Variants in PTK2 observed in about 807,000 individuals in gnomAD.
PTK2 encodes the protein focal adhesion kinase 1.
In PTK2, 45 loss-of-function variants were observed where a neutral mutation model predicts 150.1. The observed-to-expected ratio is 0.30, with a 90% CI of 0.24 to 0.38. The LOEUF (loss-of-function observed/expected upper bound fraction) is 0.38, where lower values mean the gene tolerates loss of function less well. Among genes scored for constraint, PTK2 ranks in the 10% least tolerant of loss-of-function variants. PTK2 has a pLI of 1.00. For synonymous variants in PTK2, 432 were observed against 449.2 expected (o/e 0.96, Z 0.48); for missense variants, 919 against 1,307.3 (o/e 0.70, Z 4.58).
chr8:140,987,293 G>A (rs562577904), intron 1 of PTK2, among the ~76,000 whole-genome samples: 2 of 152,144 alleles, frequency 1.3e-5, no homozygotes, highest in Admixed American at 6.5e-5. Flanking sequence ...CAATTCTCCC[G>A]TCTCAGCCTC....
intron 14 of PTK2, among the ~76,000 whole-genome samples, chr8:140,766,326 T>A (rs2100072254): frequency 6.6e-6 from 1 of 152,198 alleles, no homozygotes; most frequent in Non-Finnish European, 1.5e-5. Flanking sequence ...CTAACACCAG[T>A]GGCAGTGACC....
chr8:140,790,072 T>G (rs2100087593), intron 13 of PTK2, among the ~76,000 whole-genome samples: 1 of 151,386 alleles, frequency 6.6e-6, no homozygotes, highest in African/African-American at 2.5e-5. Context: ...TAACACTAGT[T>G]TTACATATTT....
intron 23 of PTK2, among the ~76,000 whole-genome samples, chr8:140,715,155 GTTTTT>G (rs67306225): frequency 0.26 from 14,720 of 55,572 alleles, 4,517 homozygotes; most frequent in Middle Eastern, 0.47. Context: ...CATTAAAACC[GTTTTT>G]TTTTTTTTTT....
intron 3 of PTK2, among the ~76,000 whole-genome samples, chr8:140,888,794 T>C (rs564690564): frequency 2.0e-4 from 30 of 152,330 alleles, no homozygotes; most frequent in African/African-American, 6.0e-4. Context: ...GTCAAATTCA[T>C]AATCTTTGAA....
intron 14 of PTK2, among the ~76,000 whole-genome samples, chr8:140,787,712 T>C (rs1175200208): frequency 6.6e-6 from 1 of 152,226 alleles, no homozygotes; most frequent in Non-Finnish European, 1.5e-5. Context: ...ATAGTCCTTA[T>C]TAACATAATG....
intron 18 of PTK2, among the ~76,000 whole-genome samples, chr8:140,745,999 CAA>C (rs367643506): frequency 8.5e-4 from 59 of 69,710 alleles, no homozygotes; most frequent in African/African-American, 2.3e-3. Context: ...GACTCTGTCT[CAA>C]AAAAAAAAAA....
At chr8:140,989,530 TAA>T (rs528030872) in intron 1 of PTK2, among the ~76,000 whole-genome samples, 2 of 140,588 alleles carry the variant, frequency 1.4e-5, no homozygotes. Flanking sequence ...TTAATGAATT[TAA>T]AAAAAAAAAA....
intron 1 of PTK2, among the ~76,000 whole-genome samples, chr8:140,932,780 T>C (rs1028355698): frequency 3.3e-5 from 5 of 152,062 alleles, no homozygotes; most frequent in Admixed American, 6.5e-5. Context: ...GAGACTAAAA[T>C]CAACTGCCTC....
intron 16 of PTK2, among the ~76,000 whole-genome samples, chr8:140,757,664 G>T (rs1053519071): frequency 7.9e-5 from 12 of 152,112 alleles, no homozygotes; most frequent in African/African-American, 2.7e-4. Context: ...CCAAGCAGGG[G>T]TATAAAATAA....
intron 12 of PTK2, among the ~76,000 whole-genome samples, chr8:140,795,331 G>T (rs1245317088): frequency 6.6e-6 from 1 of 152,086 alleles, no homozygotes; most frequent in South Asian, 2.1e-4. Context: ...ATCCTGACCA[G>T]CCACTGGCCC....
chr8:140,820,076 G>GTTTTTT lies in PTK2; in HGVS notation c.649-1062_649-1057dup, dbSNP rs370537018. ...AGAGGAGTGACTTTATCTGACTTTG[G>GTTTTTT]TTTTTTTTTTTTTTTTTTTTTTTTT... On this transcript the variant is annotated intron_variant, in intron 8 of 31. Coordinates refer to ENST00000522684, the Ensembl canonical transcript of PTK2. Among the ~76,000 whole-genome samples, 92 of 50,228 alleles carry GTTTTTT rather than the reference G, an allele frequency of 1.8e-3. 19 individuals are homozygous for GTTTTTT. Among genetic ancestry groups the GTTTTTT allele is most frequent in the Non-Finnish European group, 2.7e-3 (65 of 23,952 alleles). The allele number at this position is 50,228 out of a possible 152,430, so 33.0% of individuals were successfully genotyped here. A position where few individuals can be genotyped will look rare whatever the true frequency, so the allele number is the denominator to read the frequency against.
intron 13 of PTK2, among the ~76,000 whole-genome samples, chr8:140,790,799 C>T (rs988084155): frequency 6.6e-6 from 1 of 152,176 alleles, no homozygotes; most frequent in African/African-American, 2.4e-5. Flanking sequence ...TCATTACTTT[C>T]TCTTCCATTG....
chr8:140,686,464 A>T (rs748895713), intron 27 of PTK2, among the ~76,000 whole-genome samples, 168 bp downstream of exon 30: 7 of 152,210 alleles, frequency 4.6e-5, no homozygotes, highest in Non-Finnish European at 7.3e-5. Context: ...CTGAATAAAA[A>T]TTCTAGGCTG....
rs370537018 is a variant in PTK2 at position 140,820,076 on chromosome 8, G to GTTTTTTTTTTTTT, written c.649-1069_649-1057dup. ...AGAGGAGTGACTTTATCTGACTTTG[G>GTTTTTTTTTTTTT]TTTTTTTTTTTTTTTTTTTTTTTTT... is the stretch of plus-strand genomic sequence containing the variant. On this transcript the variant is annotated intron_variant, in intron 8 of 31. Coordinates refer to ENST00000522684, the Ensembl canonical transcript of PTK2. 2.6e-4 allele frequency among the ~76,000 whole-genome samples: 13 copies of GTTTTTTTTTTTTT among 50,254 alleles called. 1 individual carries two copies. Among genetic ancestry groups the GTTTTTTTTTTTTT allele is most frequent in the Admixed American group, 6.1e-4 (2 of 3,282 alleles). 33.0% of individuals were successfully genotyped at this position (50,254 alleles called of 152,430 possible). A position where few individuals can be genotyped will look rare whatever the true frequency, so the allele number is the denominator to read the frequency against.
intron 8 of PTK2, among the ~76,000 whole-genome samples, chr8:140,822,638 C>T (rs1049257719): frequency 6.6e-5 from 10 of 152,072 alleles, no homozygotes. Context: ...TAGAAGAAAC[C>T]AGGAAGAAAC....
At chr8:140,788,835 A>G (rs1188633806) in intron 14 of PTK2, among the ~76,000 whole-genome samples, 1 of 152,202 alleles carries the variant, frequency 6.6e-6, no homozygotes, top group Non-Finnish European at 1.5e-5. Flanking sequence ...ACGTATGTAT[A>G]TATGTGCATA....
intron 7 of PTK2, among the ~76,000 whole-genome samples, chr8:140,835,359 A>C (rs934095833): frequency 6.6e-6 from 1 of 152,184 alleles, no homozygotes; most frequent in African/African-American, 2.4e-5. Context: ...TAATCCCTCA[A>C]ATACTTAAAA....
In PTK2 at chr8:140,659,367, G is replaced by A. The variant is rs111786972; in HGVS notation, c.*99C>T. On this transcript the variant is annotated 3_prime_UTR_variant, in exon 32 of 32. Transcript: ENST00000522684. ...TCATTCAAAAAAGTTGGAGCTGTAAGTGCTGGCGACTGAGGACACAGGGTT... is the reference window on the plus strand; with the variant it reads ...TCATTCAAAAAAGTTGGAGCTGTAAATGCTGGCGACTGAGGACACAGGGTT... The A allele has an allele frequency of 8.7e-5, 92 of 1,056,760 alleles. 2 individuals carry two copies. The highest frequency in any genetic ancestry group is 8.5e-4 in the African/African-American group (53 of 62,548). The allele number at this position is 1,056,760 out of a possible 1,614,324, so 65.5% of individuals were successfully genotyped here.
intron 31 of PTK2, among the ~76,000 whole-genome samples, chr8:140,659,943 T>C (rs2077063853): frequency 6.6e-6 from 1 of 152,196 alleles, no homozygotes; most frequent in African/African-American, 2.4e-5. Flanking sequence ...AAATCTTCCT[T>C]AGGAGCAATA....
Sources: gnomAD v4.1 joint callset for allele counts (sites outside exome capture counted in the v4.1 genomes callset) on GRCh38, gnomAD v4.1.1 for gene constraint, MANE v1.5 for transcripts, NCBI Gene and HGNC (gene_info 2026-07-23, HGNC 2026-07-21) for gene names.